Variants in EFNA5 observed in about 807,000 individuals in gnomAD.
EFNA5 encodes ephrin A5, also known as ephrin-A5.
Under a neutral mutation model 22.9 loss-of-function variants are expected in EFNA5, and 5 were observed. The ratio of observed to expected loss-of-function variants is 0.22; its 90% CI spans 0.11 to 0.46. The LOEUF is 0.46. EFNA5 is among the 20% of genes least tolerant of loss of function. The pLI is 0.99. For synonymous variants in EFNA5, 113 were observed against 112.2 expected, an observed-to-expected ratio of 1.01 and a Z score of -0.04; for missense variants, 237 against 293.3, an observed-to-expected ratio of 0.81 and a Z score of 1.40.
At chr5:107,565,028 A>G (rs1171883435) in intron 1 of EFNA5, among the ~76,000 whole-genome samples, 1 of 152,210 alleles carries the variant, frequency 6.6e-6, no homozygotes, top group East Asian at 1.9e-4. Flanking sequence ...GTGAAGACCA[A>G]TAATATGATA....
intron 1 of EFNA5, among the ~76,000 whole-genome samples, chr5:107,568,360 G>A (rs1419415427): frequency 6.6e-6 from 1 of 152,168 alleles, no homozygotes; most frequent in Non-Finnish European, 1.5e-5. Flanking sequence ...ACAACCCATG[G>A]GAAAGCCAGA....
At chr5:107,407,429 A>G (rs1246411403) in intron 2 of EFNA5, among the ~76,000 whole-genome samples, 1 of 152,190 alleles carries the variant, frequency 6.6e-6, no homozygotes, top group Non-Finnish European at 1.5e-5. Context: ...TCTTCGTTTT[A>G]CAAATTTAGA....
intron 1 of EFNA5, among the ~76,000 whole-genome samples, chr5:107,563,888 C>A (rs1188641032): frequency 2.0e-5 from 3 of 152,220 alleles, no homozygotes. Flanking sequence ...ATTCTCAATT[C>A]TTTGCAGTCT....
intron 1 of EFNA5, among the ~76,000 whole-genome samples, chr5:107,578,752 T>C (rs1303740352): frequency 6.6e-6 from 1 of 152,094 alleles, no homozygotes; most frequent in Non-Finnish European, 1.5e-5. Flanking sequence ...GAATTCTTTT[T>C]GCAGTAAAAA....
chr5:107,561,828 A>G (rs564421170), intron 1 of EFNA5, among the ~76,000 whole-genome samples: 13 of 152,210 alleles, frequency 8.5e-5, no homozygotes, highest in Non-Finnish European at 1.9e-4. Context: ...TTTCTAGTTT[A>G]TAATTTTTAT....
intron 1 of EFNA5, among the ~76,000 whole-genome samples, chr5:107,438,219 C>T (rs893492816): frequency 6.6e-6 from 1 of 151,942 alleles, no homozygotes; most frequent in African/African-American, 2.4e-5. Context: ...ATGCTTCTAC[C>T]CCCTACCCCC....
Position 107,377,225 on chromosome 5 carries a change from T to C in EFNA5, c.*4030A>G, listed in dbSNP as rs1747288643. On this transcript the variant is annotated 3_prime_UTR_variant, in exon 5 of 5. Coordinates refer to ENST00000333274, the MANE Select transcript of EFNA5 (RefSeq NM_001962.3). ...TCCGACATGCCAGCATCTATTAAAC[T>C]GTACAGACAATGGGAGCAAGCCCAT... The C allele has an allele frequency of 6.6e-6, 1 of 152,078 alleles. No individual in the cohort carries two copies. The highest frequency in any genetic ancestry group is 2.4e-5 in the African/African-American group (1 of 41,394). 9.4% of individuals were successfully genotyped at this position (152,078 alleles called of 1,614,324 possible).
chr5:107,406,705 A>C (rs1380374420), intron 2 of EFNA5, among the ~76,000 whole-genome samples: 2 of 152,228 alleles, frequency 1.3e-5, no homozygotes, highest in Middle Eastern at 3.4e-3. Flanking sequence ...TTGCTTATTT[A>C]ATCCCCTCCC....
At chr5:107,619,482 A>C (rs963021043) in intron 1 of EFNA5, among the ~76,000 whole-genome samples, 2 of 150,624 alleles carry the variant, frequency 1.3e-5, no homozygotes, top group Non-Finnish European at 3.0e-5. Flanking sequence ...TTTTTTTTTA[A>C]GACAGAGTCT....
At chr5:107,391,510 G>A (rs1747794062) in intron 2 of EFNA5, among the ~76,000 whole-genome samples, 2 of 152,038 alleles carry the variant, frequency 1.3e-5, no homozygotes, top group South Asian at 4.1e-4. Flanking sequence ...GCAGTGACTT[G>A]CAAACAGGTG....
At chr5:107,652,779 CTGTT>C (rs914885185) in intron 1 of EFNA5, among the ~76,000 whole-genome samples, 12 of 152,032 alleles carry the variant, frequency 7.9e-5, no homozygotes, top group African/African-American at 2.9e-4. Flanking sequence ...AGTCAGCCAG[CTGTT>C]TGTTTGGGTT....
intron 1 of EFNA5, among the ~76,000 whole-genome samples, chr5:107,466,131 G>A (rs935920482): frequency 6.6e-6 from 1 of 152,146 alleles, no homozygotes; most frequent in East Asian, 1.9e-4. Flanking sequence ...TGATTCCAAA[G>A]ACGGTGCTCG....
intron 1 of EFNA5, among the ~76,000 whole-genome samples, chr5:107,430,845 C>T (rs1173095180): frequency 7.1e-6 from 1 of 141,134 alleles, no homozygotes; most frequent in Non-Finnish European, 1.5e-5. Context: ...GGTGTGATCT[C>T]GGCTCACTGC....
At chr5:107,426,921 T>C (rs1227856520) in intron 2 of EFNA5, 2 of 307,362 alleles carry the variant, frequency 6.5e-6, no homozygotes, top group African/African-American at 4.4e-5. Flanking sequence ...GAGTCTTTTT[T>C]TCTTTTCCTG....
chr5:107,525,034 G>A (rs1260699895), intron 1 of EFNA5, among the ~76,000 whole-genome samples: 1 of 152,132 alleles, frequency 6.6e-6, no homozygotes, highest in African/African-American at 2.4e-5. Flanking sequence ...TAATAGCAAA[G>A]TATAAGGGAA....
At chr5:107,646,783 C>G (rs1341348127) in intron 1 of EFNA5, among the ~76,000 whole-genome samples, 1 of 152,110 alleles carries the variant, frequency 6.6e-6, no homozygotes, top group Non-Finnish European at 1.5e-5. Context: ...GAAAGTGGTT[C>G]TTAATATAGA....
At chr5:107,574,806 T>C (rs558990575) in intron 1 of EFNA5, among the ~76,000 whole-genome samples, 6 of 152,358 alleles carry the variant, frequency 3.9e-5, no homozygotes, top group Admixed American at 2.0e-4. Context: ...TGAGATTCAA[T>C]TGTGGATGTG....
chr5:107,564,966 C>A (rs768542792), intron 1 of EFNA5, among the ~76,000 whole-genome samples: 2 of 152,090 alleles, frequency 1.3e-5, no homozygotes, highest in Non-Finnish European at 2.9e-5. Context: ...TGTATGTGAC[C>A]TTTTCAGGGA....
intron 4 of EFNA5, among the ~76,000 whole-genome samples, chr5:107,383,592 T>C (rs1481428871): frequency 2.0e-5 from 3 of 152,174 alleles, no homozygotes; most frequent in African/African-American, 4.8e-5. Flanking sequence ...ACACCTGAAA[T>C]TGCATCAGCT....
Sources: gnomAD v4.1 joint callset for allele counts (sites outside exome capture counted in the v4.1 genomes callset) on GRCh38, gnomAD v4.1.1 for gene constraint, MANE v1.5 for transcripts, NCBI Gene and HGNC (gene_info 2026-07-23, HGNC 2026-07-21) for gene names.